SLC7A11: variants seen among roughly 807,000 people sequenced by gnomAD.
SLC7A11 encodes cystine/glutamate transporter.
Under a neutral mutation model 54.5 loss-of-function variants are expected in SLC7A11, and 35 were observed. The ratio of observed to expected loss-of-function variants is 0.64; its 90% confidence interval spans 0.49 to 0.85. SLC7A11 has a LOEUF of 0.85. SLC7A11 is among the 40% of genes least tolerant of loss of function. The pLI is 0.00. For synonymous variants in SLC7A11, 230 were observed against 225.2 expected (o/e 1.02, Z -0.19); for missense variants, 583 against 618.1 (o/e 0.94, Z 0.60).
chr4:138,235,482 C>T (rs947211751), intron 2 of SLC7A11, among the ~76,000 whole-genome samples: 2 of 151,934 alleles, frequency 1.3e-5, no homozygotes, highest in Admixed American at 1.3e-4. Context: ...GTATTTGGCA[C>T]TTAGCCATAA....
intron 5 of SLC7A11, 26 bp from the exon 6 acceptor site, chr4:138,214,655 A>T: frequency 2.2e-6 from 2 of 901,622 alleles, no homozygotes; most frequent in Non-Finnish European, 3.3e-6. Context: ...TAAATTATAA[A>T]CTATTAATAT....
chr4:138,226,172 T>A (rs1737943494), intron 3 of SLC7A11, among the ~76,000 whole-genome samples: 1 of 152,088 alleles, frequency 6.6e-6, no homozygotes, highest in African/African-American at 2.4e-5. Context: ...ACAAAAATTC[T>A]CATTAAGATG....
chr4:138,228,077 A>T (rs1256497996), intron 3 of SLC7A11, among the ~76,000 whole-genome samples: 2 of 152,232 alleles, frequency 1.3e-5, no homozygotes, highest in African/African-American at 2.4e-5. Flanking sequence ...GATTTCAAAA[A>T]GAATATAAAG....
intron 11 of SLC7A11, chr4:138,175,550 AATAAT>A (rs1369004773): frequency 1.3e-5 from 2 of 152,172 alleles, no homozygotes; most frequent in Admixed American, 6.6e-5. Context: ...TAAGTAAATA[AATAAT>A]ATAACTAACC....
At chr4:138,223,513 C>G (rs1440528083) in intron 3 of SLC7A11, among the ~76,000 whole-genome samples, 189 bp from the exon 4 acceptor site, 1 of 152,160 alleles carries the variant, frequency 6.6e-6, no homozygotes, top group Non-Finnish European at 1.5e-5. Flanking sequence ...AACAGGTTCT[C>G]CAGCTGGTTT....
In SLC7A11 at chr4:138,179,317, A is replaced by G; in HGVS notation, c.1344T>C (p.Phe448=). ...TGATGACGAAGCCAATCCCTGTACT[A>G]AATGGGTCCGAATAGAGGGAAAGGG... ...MVALSLYSDP[F]STGIGFVITL... is the part of the protein sequence containing the mutation. The change falls in exon 11 of 12, where the codon TTT becomes TTC. Residue 448 remains phenylalanine (F), a synonymous_variant. Coordinates refer to ENST00000280612, the MANE Select transcript of SLC7A11 (RefSeq NM_014331.4). The G allele has an allele frequency of 6.2e-7, 1 of 1,612,698 alleles. No homozygotes were observed. Among genetic ancestry groups the G allele is most frequent in the Non-Finnish European group, 8.5e-7 (1 of 1,179,066 alleles).
intron 3 of SLC7A11, among the ~76,000 whole-genome samples, chr4:138,229,499 A>G (rs184456817): frequency 6.6e-6 from 1 of 152,350 alleles, no homozygotes; most frequent in East Asian, 1.9e-4. Context: ...AAATTTAAAA[A>G]TGAATGTAAT....
intron 8 of SLC7A11, 121 bp downstream of exon 8, chr4:138,183,081 T>G (rs773846504): frequency 6.3e-5 from 43 of 687,154 alleles, no homozygotes; most frequent in Non-Finnish European, 9.9e-5. Flanking sequence ...ATTTCAATCT[T>G]GCATGTCCCT....
chr4:138,237,700 AATATATATAT>A lies in SLC7A11; in HGVS notation c.278-1259_278-1250del, dbSNP rs1168512229. 5.3e-3 allele frequency among the ~76,000 whole-genome samples: 78 copies of A among 14,708 alleles called. 1 individual carries two copies. The highest frequency in any genetic ancestry group is 6.0e-3 in the Non-Finnish European group (46 of 7,656). 9.6% of individuals were successfully genotyped at this position (14,708 alleles called of 152,430 possible). A position where few individuals can be genotyped will look rare whatever the true frequency, so the allele number is the denominator to read the frequency against. On this transcript the variant is annotated intron_variant, in intron 1 of 11. Coordinates refer to ENST00000280612, the MANE Select transcript of SLC7A11 (RefSeq NM_014331.4). ...AGTGTGAGCCACTGCGCCTAGCCAG[AATATATATAT>A]ATATATATATATATATATATATATA...
chr4:138,175,145 A>C (rs11728841), intron 11 of SLC7A11, among the ~76,000 whole-genome samples: 75,229 of 152,038 alleles, frequency 0.49, 19,337 homozygotes, highest in East Asian at 0.57. Context: ...ACAGTCTGTT[A>C]AATGCATTAT....
chr4:138,228,678 G>A lies in SLC7A11; in HGVS notation c.520+3589C>T, dbSNP rs190317544. 1.3e-3 allele frequency among the ~76,000 whole-genome samples: 184 copies of A among 143,176 alleles called. 3 individuals carry two copies. The East Asian group carries it at 0.022, about 17-fold the overall frequency. The allele number at this position is 143,176 out of a possible 152,430, so 93.9% of individuals were successfully genotyped here. A position where few individuals can be genotyped will look rare whatever the true frequency, so the allele number is the denominator to read the frequency against. ...GGAGGCTGAGGCAGGAGAATGGCGT[G>A]AAACCAGGAGGCAGACCTTGCAGTG... On this transcript the variant is annotated intron_variant, in intron 3 of 11. Coordinates refer to ENST00000280612, the MANE Select transcript of SLC7A11 (RefSeq NM_014331.4).
rs1736351075 is a variant in SLC7A11, at chr4:138,169,375, A to G, written c.*2581T>C. The G allele has an allele frequency of 6.6e-6, 1 of 152,142 alleles. No homozygotes were observed. The highest frequency in any genetic ancestry group is 1.5e-5 in the Non-Finnish European group (1 of 68,008). The allele number at this position is 152,142 out of a possible 1,614,324, so 9.4% of individuals were successfully genotyped here. On this transcript the variant is annotated 3_prime_UTR_variant, in exon 12 of 12. Transcript: ENST00000280612. ...TGATGAGTCCTAAAAATAAGCCAAAATACTACTTAATCTCCATCACTTTTT... is the reference window on the plus strand; with the variant it reads ...TGATGAGTCCTAAAAATAAGCCAAAGTACTACTTAATCTCCATCACTTTTT...
In SLC7A11 at chr4:138,189,729, A is replaced by G. The variant is rs891364965; in HGVS notation, c.792-4485T>C. On this transcript the variant is annotated intron_variant, in intron 6 of 11. Transcript: ENST00000280612. ...AGTAAACTTGCAAATAATGCAGAATAAGGTGCATTTTTTAAAGCATGCTTT... is the reference window on the plus strand; with the variant it reads ...AGTAAACTTGCAAATAATGCAGAATGAGGTGCATTTTTTAAAGCATGCTTT... Among the ~76,000 whole-genome samples, 52 of 152,184 alleles carry G rather than the reference A, an allele frequency of 3.4e-4. 1 individual carries two copies. Among genetic ancestry groups the G allele is most frequent in the Admixed American group, 2.6e-4 (4 of 15,258 alleles).
At chr4:138,181,340 C>T (rs1384583054) in intron 9 of SLC7A11, among the ~76,000 whole-genome samples, 1 of 151,960 alleles carries the variant, frequency 6.6e-6, no homozygotes. Flanking sequence ...TCCTGGTGTG[C>T]TTGCCGTGTG....
intron 7 of SLC7A11, among the ~76,000 whole-genome samples, 198 bp downstream of exon 7, chr4:138,184,923 A>G (rs1736839281): frequency 1.3e-5 from 2 of 152,176 alleles, no homozygotes; most frequent in Admixed American, 1.3e-4. Context: ...AAATAATGGG[A>G]AATCATATAG....
At chr4:138,231,312 C>T (rs1738072105) in intron 3 of SLC7A11, among the ~76,000 whole-genome samples, 1 of 150,868 alleles carries the variant, frequency 6.6e-6, no homozygotes, top group Non-Finnish European at 1.5e-5. Context: ...AACACAACTG[C>T]ACTGTACCCC....
At chr4:138,190,193 T>G (rs1323753462) in intron 6 of SLC7A11, among the ~76,000 whole-genome samples, 4 of 152,094 alleles carry the variant, frequency 2.6e-5, no homozygotes, top group African/African-American at 9.7e-5. Flanking sequence ...ATGCTTCACA[T>G]TTCTATTTAA....
intron 4 of SLC7A11, among the ~76,000 whole-genome samples, chr4:138,220,027 C>A (rs1737773203): frequency 6.6e-6 from 1 of 151,212 alleles, no homozygotes; most frequent in Non-Finnish European, 1.5e-5. Context: ...GCAACCTCCG[C>A]CTCCTGGGTT....
chr4:138,216,500 G>A (rs777699908), intron 5 of SLC7A11, among the ~76,000 whole-genome samples: 2 of 152,094 alleles, frequency 1.3e-5, no homozygotes, highest in Non-Finnish European at 2.9e-5. Context: ...GCAGACATTG[G>A]CAATGTTATT....
Sources: gnomAD v4.1 joint callset for allele counts (sites outside exome capture counted in the v4.1 genomes callset) on GRCh38, gnomAD v4.1.1 for gene constraint, MANE v1.5 for transcripts, NCBI Gene and HGNC (gene_info 2026-07-23, HGNC 2026-07-21) for gene names.